The following PHF24 variants were observed in gnomAD, a reference collection of about 807,000 sequenced individuals.
PHF24 encodes the protein Galpha inhibitory interacting protein.
In PHF24, 25 loss-of-function variants were observed where a neutral mutation model predicts 42.6. That is an observed-to-expected ratio of 0.59 (90% CI 0.43 to 0.82). The LOEUF (loss-of-function observed/expected upper bound fraction) is 0.82, where lower values mean the gene tolerates loss of function less well. Ranked by LOEUF, PHF24 falls within the 40% of genes least tolerant of loss-of-function variation. PHF24 has a pLI of 0.00. For synonymous variants in PHF24, 185 were observed against 204.8 expected (o/e 0.90, Z 0.83); for missense variants, 470 against 538.1 (o/e 0.87, Z 1.25).
At chr9:34,816,389 G>A in the PHF24 span, among the ~76,000 whole-genome samples, 9 of 152,106 alleles carry the variant, frequency 5.9e-5, no homozygotes, top group South Asian at 2.1e-4. Flanking sequence ...TTCTTTTTAC[G>A]TATCCCCACA....
chr9:34,931,375 C>CAAAAAA, the PHF24 span, among the ~76,000 whole-genome samples: 37 of 82,258 alleles, frequency 4.5e-4, no homozygotes, highest in Non-Finnish European at 5.4e-4. Flanking sequence ...GACTCTGTAT[C>CAAAAAA]AAAAAAAAAA....
At chr9:34,796,284 A>G in the PHF24 span, among the ~76,000 whole-genome samples, 1 of 152,132 alleles carries the variant, frequency 6.6e-6, no homozygotes, top group East Asian at 1.9e-4. Context: ...TTTAGGAGAA[A>G]GCCTAAGAGA....
the PHF24 span, among the ~76,000 whole-genome samples, chr9:34,849,430 C>T: frequency 2.6e-5 from 4 of 151,552 alleles, no homozygotes; most frequent in Middle Eastern, 3.4e-3. Context: ...CAACCCCTGC[C>T]TTTTTTTGTT....
At chr9:34,840,480 CCTT>C in the PHF24 span, among the ~76,000 whole-genome samples, 4 of 151,208 alleles carry the variant, frequency 2.6e-5, no homozygotes, top group Admixed American at 6.6e-5. Context: ...TCCTCCTCCT[CCTT>C]CTTCTTCCCC....
At chr9:34,721,352 T>A in the PHF24 span, among the ~76,000 whole-genome samples, 4 of 152,124 alleles carry the variant, frequency 2.6e-5, no homozygotes, top group African/African-American at 9.6e-5. Context: ...ACAGACCTCT[T>A]TGAGGAGTTT....
At chr9:34,856,807 G>C in the PHF24 span, among the ~76,000 whole-genome samples, 1 of 152,266 alleles carries the variant, frequency 6.6e-6, no homozygotes, top group African/African-American at 2.4e-5. Context: ...CCTTGGCAGA[G>C]CAGGTGTGCT....
the PHF24 span, among the ~76,000 whole-genome samples, chr9:34,702,763 C>G: frequency 1.3e-5 from 2 of 152,140 alleles, no homozygotes; most frequent in African/African-American, 4.8e-5. Context: ...TGAGCTATTA[C>G]TGCACCATTG....
the PHF24 span, among the ~76,000 whole-genome samples, chr9:34,703,313 C>A: frequency 6.6e-6 from 1 of 152,092 alleles, no homozygotes; most frequent in Non-Finnish European, 1.5e-5. Context: ...GGATTACAAG[C>A]ACCCACCACC....
intron 7 of PHF24, 115 bp downstream of exon 7, chr9:34,977,756 A>G: frequency 1.1e-6 from 1 of 944,204 alleles, no homozygotes; most frequent in African/African-American, 1.7e-5. Context: ...CACCCAAGAA[A>G]CCAGGCTCCA....
At chr9:34,729,857 T>C in the PHF24 span, among the ~76,000 whole-genome samples, 2 of 152,194 alleles carry the variant, frequency 1.3e-5, no homozygotes, top group East Asian at 3.9e-4. Flanking sequence ...TTTGGTAATA[T>C]ACCTGAGAAA....
At chr9:34,875,435 T>C in the PHF24 span, among the ~76,000 whole-genome samples, 187 of 152,314 alleles carry the variant, frequency 1.2e-3, 1 homozygote, top group African/African-American at 4.4e-3. Flanking sequence ...GAGTCACCTT[T>C]AGAGATTTTT....
At chr9:34,774,272 G>T in the PHF24 span, among the ~76,000 whole-genome samples, 1 of 152,162 alleles carries the variant, frequency 6.6e-6, no homozygotes, top group South Asian at 2.1e-4. Context: ...AAAAACTTTT[G>T]TGCATCGAAA....
the PHF24 span, among the ~76,000 whole-genome samples, chr9:34,737,557 G>T: frequency 6.6e-6 from 1 of 152,218 alleles, no homozygotes; most frequent in African/African-American, 2.4e-5. Flanking sequence ...ATATACATAG[G>T]AGTAGAATTG....
chr9:34,710,766 G>C, the PHF24 span, among the ~76,000 whole-genome samples: 3 of 151,894 alleles, frequency 2.0e-5, no homozygotes, highest in Non-Finnish European at 4.4e-5. Context: ...ATGCCACTAC[G>C]TCCGGCTACT....
chr9:34,802,670 G>A, the PHF24 span, among the ~76,000 whole-genome samples: 1 of 152,188 alleles, frequency 6.6e-6, no homozygotes, highest in African/African-American at 2.4e-5. Flanking sequence ...CACATGATTA[G>A]ACAATGCCAG....
chr9:34,825,786 C>T, the PHF24 span, among the ~76,000 whole-genome samples: 2 of 152,090 alleles, frequency 1.3e-5, no homozygotes, highest in African/African-American at 4.8e-5. Context: ...TATGGCAAAA[C>T]CATATGTGTG....
At chr9:34,818,047 A>G in the PHF24 span, among the ~76,000 whole-genome samples, 1 of 152,140 alleles carries the variant, frequency 6.6e-6, no homozygotes, top group Non-Finnish European at 1.5e-5. Flanking sequence ...TTTACTTTAT[A>G]TTTTGTGACC....
upstream of PHF24, among the ~76,000 whole-genome samples, chr9:34,955,333 A>AAG (rs1554657310): frequency 6.9e-4 from 102 of 147,348 alleles, 1 homozygote; most frequent in African/African-American, 2.3e-3. Flanking sequence ...AAAAAAAAAG[A>AAG]AAAGAAAGTT....
chr9:34,765,207 C>G, the PHF24 span, among the ~76,000 whole-genome samples: 1 of 152,092 alleles, frequency 6.6e-6, no homozygotes, highest in Non-Finnish European at 1.5e-5. Flanking sequence ...CTGTAGATGT[C>G]TATTAAGTCC....
Sources: allele counts gnomAD v4.1 joint callset (sites outside exome capture counted in the v4.1 genomes callset), GRCh38; gene constraint gnomAD v4.1.1; transcripts MANE v1.5; gene names NCBI Gene and HGNC (gene_info 2026-07-23, HGNC 2026-07-21).